GABRB1: variants seen among roughly 807,000 people sequenced by gnomAD.
GABRB1 encodes the protein gamma-aminobutyric acid type A receptor subunit beta1.
In GABRB1, 17 loss-of-function variants were observed where a neutral mutation model predicts 51.6. The observed-to-expected ratio is 0.33, with a 90% confidence interval of 0.23 to 0.49. The LOEUF (loss-of-function observed/expected upper bound fraction) is 0.49, where lower values mean the gene tolerates loss of function less well. Among genes scored for constraint, GABRB1 ranks in the 20% least tolerant of loss-of-function variants. The probability of loss-of-function intolerance (pLI) is 0.99; values close to 1 mark genes in which losing one functional copy is unlikely to be tolerated. For synonymous variants in GABRB1, 247 were observed against 218.9 expected (o/e 1.13, Z -1.14); for missense variants, 410 against 600.6 (o/e 0.68, Z 3.32).
chr4:47,128,690 T>C (rs1411035378), intron 3 of GABRB1, among the ~76,000 whole-genome samples: 2 of 151,994 alleles, frequency 1.3e-5, no homozygotes, highest in African/African-American at 4.8e-5. Flanking sequence ...TTCAGAGTTT[T>C]GCCCCTTTTG....
chr4:47,297,137 A>T (rs926040747), intron 4 of GABRB1, among the ~76,000 whole-genome samples: 3 of 152,056 alleles, frequency 2.0e-5, no homozygotes, highest in African/African-American at 7.3e-5. Context: ...TATAGCACTA[A>T]ATGCACATAA....
intron 4 of GABRB1, among the ~76,000 whole-genome samples, chr4:47,272,807 G>T (rs575163260): frequency 1.3e-5 from 2 of 152,168 alleles, no homozygotes; most frequent in South Asian, 4.1e-4. Flanking sequence ...AGATTTTGCT[G>T]TTATAAATAG....
intron 4 of GABRB1, among the ~76,000 whole-genome samples, chr4:47,177,871 T>C (rs1718766717): frequency 6.8e-6 from 1 of 146,694 alleles, no homozygotes; most frequent in African/African-American, 2.5e-5. Flanking sequence ...TTCCAACCTC[T>C]CCATCACTAG....
intron 3 of GABRB1, among the ~76,000 whole-genome samples, chr4:47,044,960 T>C (rs1377933952): frequency 6.6e-6 from 1 of 152,056 alleles, no homozygotes; most frequent in East Asian, 1.9e-4. Flanking sequence ...TGGTATATGG[T>C]CCTTCCATAC....
At chr4:47,000,024 T>C (rs1050470395) in intron 1 of GABRB1, among the ~76,000 whole-genome samples, 5 of 152,206 alleles carry the variant, frequency 3.3e-5, no homozygotes, top group Non-Finnish European at 7.3e-5. Flanking sequence ...GGGAGACAGA[T>C]TTGAGCTGGA....
intron 3 of GABRB1, among the ~76,000 whole-genome samples, chr4:47,144,205 T>C (rs1297369409): frequency 2.0e-5 from 3 of 151,980 alleles, no homozygotes; most frequent in African/African-American, 7.2e-5. Flanking sequence ...AAACTATAGA[T>C]TAAATTCAAA....
intron 5 of GABRB1, among the ~76,000 whole-genome samples, chr4:47,359,500 C>T (rs1470897328): frequency 6.6e-6 from 1 of 152,020 alleles, no homozygotes; most frequent in African/African-American, 2.4e-5. Flanking sequence ...GCCTAATAAT[C>T]ATAGAGAGTA....
chr4:47,405,131 T>C (rs1277869651), intron 7 of GABRB1, among the ~76,000 whole-genome samples: 1 of 152,174 alleles, frequency 6.6e-6, no homozygotes, highest in African/African-American at 2.4e-5. Flanking sequence ...TTAGCTAGAA[T>C]TGTATCAGGT....
intron 4 of GABRB1, among the ~76,000 whole-genome samples, chr4:47,296,343 T>G (rs1412283330): frequency 6.6e-6 from 1 of 152,168 alleles, no homozygotes; most frequent in Non-Finnish European, 1.5e-5. Flanking sequence ...GACCCATCAG[T>G]GTGCTGTATT....
chr4:47,331,988 C>T (rs1435133875), intron 5 of GABRB1, among the ~76,000 whole-genome samples: 2 of 152,142 alleles, frequency 1.3e-5, no homozygotes, highest in Non-Finnish European at 2.9e-5. Context: ...TCTCTGGCTT[C>T]CCCACTAGGT....
chr4:47,141,934 G>A (rs1716954392), intron 3 of GABRB1, among the ~76,000 whole-genome samples: 1 of 151,816 alleles, frequency 6.6e-6, no homozygotes, highest in Non-Finnish European at 1.5e-5. Flanking sequence ...TGTTTTGTTT[G>A]CCTGGATTAT....
chr4:47,073,265 G>A (rs1179939365), intron 3 of GABRB1, among the ~76,000 whole-genome samples: 1 of 152,264 alleles, frequency 6.6e-6, no homozygotes, highest in East Asian at 1.9e-4. Context: ...GACATATTTA[G>A]AGCTCTCCTA....
At chr4:47,333,561 A>C (rs1271602067) in intron 5 of GABRB1, among the ~76,000 whole-genome samples, 1 of 152,080 alleles carries the variant, frequency 6.6e-6, no homozygotes, top group Non-Finnish European at 1.5e-5. Context: ...CTAAAAATAC[A>C]AAAATTAGCT....
chr4:47,264,438 A>G (rs1445283372), intron 4 of GABRB1, among the ~76,000 whole-genome samples: 1 of 152,228 alleles, frequency 6.6e-6, no homozygotes, highest in African/African-American at 2.4e-5. Flanking sequence ...CTCATACTGG[A>G]ACATCCAGTA....
At chr4:47,320,519 A>G (rs771486326) in intron 5 of GABRB1, among the ~76,000 whole-genome samples, 2 of 152,194 alleles carry the variant, frequency 1.3e-5, no homozygotes, top group Non-Finnish European at 2.9e-5. Flanking sequence ...TTTAATATGA[A>G]AAGAGTTTGT....
At chr4:47,118,865 A>G (rs1715620492) in intron 3 of GABRB1, among the ~76,000 whole-genome samples, 1 of 152,208 alleles carries the variant, frequency 6.6e-6, no homozygotes, top group South Asian at 2.1e-4. Context: ...TCTAATATTA[A>G]CAACCAAAAC....
chr4:47,058,934 T>A (rs1052202972), intron 3 of GABRB1, among the ~76,000 whole-genome samples: 1 of 152,202 alleles, frequency 6.6e-6, no homozygotes, highest in Admixed American at 6.5e-5. Flanking sequence ...AGTTAGTAAA[T>A]AAGTAAAATG....
chr4:47,100,333 G>T (rs1714668697), intron 3 of GABRB1, among the ~76,000 whole-genome samples: 1 of 151,990 alleles, frequency 6.6e-6, no homozygotes, highest in Non-Finnish European at 1.5e-5. Context: ...ACTTCAGGAG[G>T]ATCCCTGTTC....
chr4:47,272,392 T>C (rs1044224833), intron 4 of GABRB1, among the ~76,000 whole-genome samples: 2 of 152,190 alleles, frequency 1.3e-5, no homozygotes, highest in Non-Finnish European at 2.9e-5. Context: ...ACTGTGTTAT[T>C]CATTTTTACA....
Sources: allele counts gnomAD v4.1 joint callset (sites outside exome capture counted in the v4.1 genomes callset), GRCh38; gene constraint gnomAD v4.1.1; transcripts MANE v1.5; gene names NCBI Gene and HGNC (gene_info 2026-07-23, HGNC 2026-07-21).